KATNAL1: variants seen among roughly 807,000 people sequenced by gnomAD.
The protein encoded by KATNAL1 is katanin catalytic subunit A1 like 1.
KATNAL1 carries 32 observed loss-of-function variants against 55.2 expected under a neutral mutation model. That is an observed-to-expected ratio of 0.58 (90% CI 0.44 to 0.78). The LOEUF (loss-of-function observed/expected upper bound fraction) is 0.78. Ranked by LOEUF, KATNAL1 falls within the 30% of genes least tolerant of loss-of-function variation. The pLI is 0.00. For missense variants in KATNAL1, 466 were observed against 600.9 expected, an observed-to-expected ratio of 0.78 and a Z score of 2.35; for synonymous variants, 193 against 193.6, an observed-to-expected ratio of 1.00 and a Z score of 0.02.
intron 8 of KATNAL1, among the ~76,000 whole-genome samples, chr13:30,229,136 A>C (rs993499835): frequency 1.3e-5 from 2 of 150,960 alleles, no homozygotes; most frequent in African/African-American, 4.8e-5. Context: ...CAGCTAACTT[A>C]TCTCTAAACA....
intron 3 of KATNAL1, among the ~76,000 whole-genome samples, chr13:30,272,198 G>C (rs1184424382): frequency 6.6e-6 from 1 of 152,136 alleles, no homozygotes; most frequent in African/African-American, 2.4e-5. Flanking sequence ...AGGAGTTCGA[G>C]ATCAGCCTGA....
chr13:30,264,233 G>A (rs1469993725), intron 3 of KATNAL1, among the ~76,000 whole-genome samples: 13 of 149,004 alleles, frequency 8.7e-5, no homozygotes, highest in Non-Finnish European at 1.8e-4. Flanking sequence ...ATTCAAGATG[G>A]ATTAAAGACT....
At chr13:30,283,995 C>T (rs9506280) in intron 1 of KATNAL1, among the ~76,000 whole-genome samples, 22,556 of 151,208 alleles carry the variant, frequency 0.15, 1,749 homozygotes, top group South Asian at 0.2. Context: ...TGAGTAGCTG[C>T]AACTATAGGG....
At chr13:30,274,907 G>GCGCGCGCGCGCGCACACA (rs869107567) in intron 3 of KATNAL1, among the ~76,000 whole-genome samples, 17 of 105,390 alleles carry the variant, frequency 1.6e-4, no homozygotes, top group Non-Finnish European at 2.5e-4. Context: ...GCGCGCGCGC[G>GCGCGCGCGCGCGCACACA]CACACACACA....
At chr13:30,287,009 GCTTATACTCCC>G in intron 1 of KATNAL1, among the ~76,000 whole-genome samples, 1 of 152,328 alleles carries the variant, frequency 6.6e-6, no homozygotes, top group East Asian at 1.9e-4. Context: ...TTTACCCAAT[GCTTATACTCCC>G]CTTATATCTA....
At chr13:30,257,260 ATG>A (rs1481585455) in intron 3 of KATNAL1, among the ~76,000 whole-genome samples, 1 of 152,198 alleles carries the variant, frequency 6.6e-6, no homozygotes, top group Non-Finnish European at 1.5e-5. Context: ...GTACATATAA[ATG>A]TCTTTCCTGA....
intron 9 of KATNAL1, among the ~76,000 whole-genome samples, chr13:30,226,654 A>G (rs1221277428): frequency 2.6e-5 from 4 of 152,258 alleles, no homozygotes; most frequent in Non-Finnish European, 2.9e-5. Context: ...GGTATTGATT[A>G]AACAGGTGTA....
chr13:30,274,905 GCGCACA>G lies in KATNAL1; in HGVS notation c.323+5152_323+5157del, dbSNP rs1440870690. On this transcript the variant is annotated intron_variant, in intron 3 of 10. Transcript: ENST00000380615. ...TGCACACACATACGCGCGCGCGCGCGCGCACACACACACACACACACACACACACAC... is the reference window on the plus strand; with the variant it reads ...TGCACACACATACGCGCGCGCGCGCGCACACACACACACACACACACACAC... 9.5e-3 allele frequency among the ~76,000 whole-genome samples: 797 copies of G among 84,274 alleles called. 4 individuals carry two copies. Among genetic ancestry groups the G allele is most frequent in the African/African-American group, 0.018 (434 of 23,818 alleles). The allele number at this position is 84,274 out of a possible 152,430, so 55.3% of individuals were successfully genotyped here. A position where few individuals can be genotyped will look rare whatever the true frequency, so the allele number is the denominator to read the frequency against.
At chr13:30,220,385 C>T (rs1036436000) in intron 9 of KATNAL1, among the ~76,000 whole-genome samples, 2 of 151,832 alleles carry the variant, frequency 1.3e-5, no homozygotes, top group East Asian at 1.9e-4. Flanking sequence ...TGCTTGAATG[C>T]GGGAGGTGGA....
chr13:30,268,073 T>C (rs1439188108), intron 3 of KATNAL1, among the ~76,000 whole-genome samples: 1 of 152,182 alleles, frequency 6.6e-6, no homozygotes, highest in African/African-American at 2.4e-5. Flanking sequence ...CCCCTAGATA[T>C]AGTAGCAAAG....
chr13:30,268,704 G>A (rs1879974304), intron 3 of KATNAL1, among the ~76,000 whole-genome samples: 1 of 152,158 alleles, frequency 6.6e-6, no homozygotes, highest in Non-Finnish European at 1.5e-5. Context: ...AGAACTGTTA[G>A]TTTACCACTA....
chr13:30,223,197 C>T (rs641843), intron 9 of KATNAL1, among the ~76,000 whole-genome samples: 125,413 of 152,014 alleles, frequency 0.83, 51,768 homozygotes, highest in Admixed American at 0.85. Context: ...CCCAGCACTT[C>T]GGGAGGCCAA....
intron 3 of KATNAL1, among the ~76,000 whole-genome samples, chr13:30,267,005 A>T (rs1445635857): frequency 6.6e-6 from 1 of 152,236 alleles, no homozygotes; most frequent in East Asian, 1.9e-4. Flanking sequence ...AATCTTATTT[A>T]GAGTTGCTAA....
chr13:30,300,224 A>G (rs965381277), intron 1 of KATNAL1, among the ~76,000 whole-genome samples: 2 of 152,230 alleles, frequency 1.3e-5, no homozygotes, highest in African/African-American at 2.4e-5. Flanking sequence ...AATGATGTCA[A>G]TCTAATTCAG....
chr13:30,231,235 C>T lies in KATNAL1; in HGVS notation c.885+79G>A, dbSNP rs1876061580. 3 of 1,141,286 alleles carry T rather than the reference C, an allele frequency of 2.6e-6. No homozygotes were observed. In the South Asian group the frequency reaches 6.5e-5, roughly 25 times the overall value. 70.7% of individuals were successfully genotyped at this position (1,141,286 alleles called of 1,614,324 possible). Reference sequence around the variant, plus strand: ...TACACTGCCCTTTTCAAAAAAGATTCCAGGTGGACAGAACTGATTTATGGG... The same window carrying T: ...TACACTGCCCTTTTCAAAAAAGATTTCAGGTGGACAGAACTGATTTATGGG... On this transcript the variant is annotated intron_variant, in intron 7 of 10. Coordinates refer to ENST00000380615, the MANE Select transcript of KATNAL1 (RefSeq NM_032116.5).
chr13:30,241,181 AAAT>A (rs1877244090), intron 4 of KATNAL1, 95 bp from the exon 5 acceptor site: 5 of 1,118,714 alleles, frequency 4.5e-6, no homozygotes, highest in Non-Finnish European at 6.4e-6. Context: ...ATCACTTTCT[AAAT>A]AATTTTTATT....
chr13:30,208,757 C>T lies in KATNAL1; in HGVS notation c.1275-19G>A. On this transcript the variant is annotated intron_variant, in intron 10 of 10. Transcript: ENST00000380615. ...GGCATCCCTAAAAATATACCAAAAT[C>T]AGTCAACAGTAATTTTTGCACATGT... The T allele has an allele frequency of 6.5e-7, 1 of 1,543,168 alleles. No homozygotes were observed. The highest frequency in any genetic ancestry group is 8.8e-7 in the Non-Finnish European group (1 of 1,130,838).
chr13:30,245,322 A>G (rs1409606917), intron 4 of KATNAL1, among the ~76,000 whole-genome samples: 1 of 152,206 alleles, frequency 6.6e-6, no homozygotes, highest in Non-Finnish European at 1.5e-5. Context: ...ATCTCAATAC[A>G]TGCAGAAAAG....
At chr13:30,265,606 A>C (rs1177906812) in intron 3 of KATNAL1, among the ~76,000 whole-genome samples, 2 of 151,916 alleles carry the variant, frequency 1.3e-5, no homozygotes, top group African/African-American at 4.8e-5. Context: ...AAATTTAACT[A>C]TGCAAAAAAT....
Sources: allele counts gnomAD v4.1 joint callset (sites outside exome capture counted in the v4.1 genomes callset), GRCh38; gene constraint gnomAD v4.1.1; transcripts MANE v1.5; gene names NCBI Gene and HGNC (gene_info 2026-07-23, HGNC 2026-07-21).